Variants in SMPDL3A observed in about 807,000 individuals in gnomAD.
SMPDL3A encodes cyclic GMP-AMP phosphodiesterase SMPDL3A.
Under a neutral mutation model 38.5 loss-of-function variants are expected in SMPDL3A, and 39 were observed. The ratio of observed to expected loss-of-function variants is 1.01; its 90% confidence interval spans 0.78 to 1.32. The LOEUF is 1.32. Among genes scored for constraint, SMPDL3A ranks in the 40% most tolerant of loss-of-function variants. The pLI is 0.00. For synonymous variants in SMPDL3A, 180 were observed against 194.3 expected (o/e 0.93, Z 0.61); for missense variants, 502 against 536.2 (o/e 0.94, Z 0.63).
At chr6:122,791,860 A>AT (rs1781089016) in intron 1 of SMPDL3A, among the ~76,000 whole-genome samples, 1 of 151,924 alleles carries the variant, frequency 6.6e-6, no homozygotes, top group Non-Finnish European at 1.5e-5. Context: ...TGCCTGGCTA[A>AT]TTTTTTGTAC....
At chr6:122,791,982 C>A (rs1005906451) in intron 1 of SMPDL3A, among the ~76,000 whole-genome samples, 1 of 152,314 alleles carries the variant, frequency 6.6e-6, no homozygotes, top group Admixed American at 6.5e-5. Context: ...CATGAGCCAC[C>A]GCGCCCGACT....
At chr6:122,807,413 G>T (rs1217342492) in intron 7 of SMPDL3A, among the ~76,000 whole-genome samples, 1 of 152,122 alleles carries the variant, frequency 6.6e-6, no homozygotes, top group Non-Finnish European at 1.5e-5. Context: ...GCAGGAGAAT[G>T]GCGTGAACCT....
chr6:122,791,462 C>G lies in SMPDL3A; in HGVS notation c.112+2004C>G, dbSNP rs1443834523. On this transcript the variant is annotated intron_variant, in intron 1 of 7. Coordinates refer to ENST00000368440, the MANE Select transcript of SMPDL3A (RefSeq NM_006714.5). ...ACTGGTAACAATAGCTAAGTTTGGC[C>G]AATCCCAGCAGCCATACTTCAACCA... Among the ~76,000 whole-genome samples, 3 of 152,122 alleles carry G rather than the reference C, an allele frequency of 2.0e-5. No homozygotes were observed. The East Asian group carries it at 5.8e-4, about 29-fold the overall frequency.
intron 7 of SMPDL3A, among the ~76,000 whole-genome samples, chr6:122,808,646 C>T (rs1781739428): frequency 3.6e-5 from 2 of 55,346 alleles, no homozygotes; most frequent in Non-Finnish European, 7.4e-5. Context: ...TTCCTTCCCC[C>T]CCTCCTCCCC....
Position 122,789,333 on chromosome 6 carries a change from C to T in SMPDL3A, c.-14C>T, listed in dbSNP as rs1345223778. The T allele has an allele frequency of 9.1e-6, 14 of 1,534,078 alleles. No homozygotes were observed. The South Asian group carries it at 9.6e-5, about 11-fold the overall frequency. ...GGGACAGCCCGAACCTCCAGGTCAG[C>T]CCCGCGGCCCTCCATGGCGCTGGTG... On this transcript the variant is annotated 5_prime_UTR_variant, in exon 1 of 8. Transcript: ENST00000368440.
intron 5 of SMPDL3A, 37 bp downstream of exon 5, chr6:122,803,870 G>T: frequency 6.4e-7 from 1 of 1,571,444 alleles, no homozygotes. Context: ...GGGAATAAAC[G>T]GAAGGCAAAA....
chr6:122,797,535 C>T (rs77244333), intron 3 of SMPDL3A, among the ~76,000 whole-genome samples: 3,746 of 152,190 alleles, frequency 0.025, 158 homozygotes, highest in African/African-American at 0.085. Flanking sequence ...GAGATACCCC[C>T]GGCTCAACAG....
At chr6:122,808,813 C>T (rs1462306274) in intron 7 of SMPDL3A, among the ~76,000 whole-genome samples, 1 of 152,022 alleles carries the variant, frequency 6.6e-6, no homozygotes, top group Non-Finnish European at 1.5e-5. Context: ...TCCTGAGTAG[C>T]TGGGATTACA....
At chr6:122,807,416 G>T (rs1781666012) in intron 7 of SMPDL3A, among the ~76,000 whole-genome samples, 1 of 152,234 alleles carries the variant, frequency 6.6e-6, no homozygotes, top group East Asian at 1.9e-4. Context: ...GGAGAATGGC[G>T]TGAACCTGGG....
chr6:122,803,374 A>T (rs1781487714), intron 4 of SMPDL3A, among the ~76,000 whole-genome samples: 2 of 152,222 alleles, frequency 1.3e-5, no homozygotes, highest in Non-Finnish European at 2.9e-5. Context: ...ACTCAATCTC[A>T]TTGCTTACTG....
intron 1 of SMPDL3A, among the ~76,000 whole-genome samples, chr6:122,790,121 A>C (rs1429033842): frequency 2.6e-5 from 4 of 152,138 alleles, no homozygotes; most frequent in Non-Finnish European, 4.4e-5. Context: ...CACTTAACAC[A>C]GTGCCCGTTA....
At position 122,804,844 on chromosome 6, in the gene SMPDL3A, G is replaced by T. The variant is rs571912926; in HGVS notation, c.739-65G>T. 112 of 1,377,532 alleles carry T rather than the reference G, an allele frequency of 8.1e-5. No homozygotes were observed. The African/African-American group carries it at 1.6e-3, about 20-fold the overall frequency. 85.3% of individuals were successfully genotyped at this position (1,377,532 alleles called of 1,614,324 possible). On this transcript the variant is annotated intron_variant, in intron 5 of 7. Coordinates refer to ENST00000368440, the MANE Select transcript of SMPDL3A (RefSeq NM_006714.5). Reference sequence around the variant, plus strand: ...TACTTTCAATCTTGGGTATCCAAATGTCATTTAGTTATGATGAATGTGCAG... The same window carrying T: ...TACTTTCAATCTTGGGTATCCAAATTTCATTTAGTTATGATGAATGTGCAG...
chr6:122,796,354 T>G (rs1781248303), intron 2 of SMPDL3A, among the ~76,000 whole-genome samples: 1 of 152,230 alleles, frequency 6.6e-6, no homozygotes, highest in Admixed American at 6.5e-5. Flanking sequence ...TACTTGGGGC[T>G]TGGCACTGTT....
intron 7 of SMPDL3A, among the ~76,000 whole-genome samples, chr6:122,807,472 C>T (rs957663846): frequency 4.6e-5 from 7 of 152,104 alleles, no homozygotes; most frequent in Non-Finnish European, 1.0e-4. Context: ...GCACTCCAGC[C>T]TGGGCGACAG....
At position 122,801,158 on chromosome 6, in the gene SMPDL3A, C is replaced by G. The variant is rs530710522; in HGVS notation, c.472-152C>G. ...TTACATTTTATCCCCCAGTCTCCAA[C>G]TAAGTTATAATTCCTTGAAGATGAA... On this transcript the variant is annotated intron_variant, in intron 3 of 7. Transcript: ENST00000368440. The G allele has an allele frequency of 9.2e-4, 569 of 620,212 alleles. 3 individuals are homozygous for G. Among genetic ancestry groups the G allele is most frequent in the Non-Finnish European group, 2.1e-4 (75 of 348,844 alleles). 38.4% of individuals were successfully genotyped at this position (620,212 alleles called of 1,614,324 possible).
At chr6:122,794,511 C>G (rs1275775628) in intron 1 of SMPDL3A, among the ~76,000 whole-genome samples, 1 of 152,104 alleles carries the variant, frequency 6.6e-6, no homozygotes, top group South Asian at 2.1e-4. Context: ...GCAGAAGAAT[C>G]GCTTGAACCC....
rs1340287776 is a variant in SMPDL3A at position 122,792,943 on chromosome 6, T to C, written c.113-2734T>C. Among the ~76,000 whole-genome samples, 4 of 152,258 alleles carry C rather than the reference T, an allele frequency of 2.6e-5. No individual in the cohort carries two copies. The East Asian group carries it at 7.7e-4, about 29-fold the overall frequency. Reference sequence around the variant, plus strand: ...TTGAATGTGAAAACACAGAGAGGAATTGTATGTGGATAAGGGCAATGTGGA... The same window carrying C: ...TTGAATGTGAAAACACAGAGAGGAACTGTATGTGGATAAGGGCAATGTGGA... On this transcript the variant is annotated intron_variant, in intron 1 of 7. Coordinates refer to ENST00000368440, the MANE Select transcript of SMPDL3A (RefSeq NM_006714.5).
chr6:122,796,975 T>C lies in SMPDL3A; in HGVS notation c.471+7T>C, dbSNP rs777450412. 1.4e-5 allele frequency: 23 copies of C among 1,606,700 alleles called. No homozygotes were observed. The African/African-American group carries it at 1.5e-4, about 10-fold the overall frequency. On this transcript the variant is annotated splice_region_variant and intron_variant, in intron 3 of 7. Coordinates refer to ENST00000368440, the MANE Select transcript of SMPDL3A (RefSeq NM_006714.5). ...TCATGACTATTGGCCACAGGTAAAT[T>C]TGATAGACTTTCAGAAATGCTTAAA...
intron 1 of SMPDL3A, among the ~76,000 whole-genome samples, chr6:122,794,882 A>G (rs1276587990): frequency 6.6e-6 from 1 of 152,170 alleles, no homozygotes; most frequent in Non-Finnish European, 1.5e-5. Context: ...AGTAAGAGTG[A>G]TATATAGTTC....
Sources: allele counts gnomAD v4.1 joint callset (sites outside exome capture counted in the v4.1 genomes callset), GRCh38; gene constraint gnomAD v4.1.1; transcripts MANE v1.5; gene names NCBI Gene and HGNC (gene_info 2026-07-23, HGNC 2026-07-21).